Variants in ERBB4 observed in about 807,000 individuals in gnomAD.
The protein encoded by ERBB4 is receptor tyrosine-protein kinase erbB-4.
A neutral mutation model predicts 158.0 loss-of-function variants in ERBB4; 42 were observed. The observed-to-expected ratio is 0.27, with a 90% CI of 0.21 to 0.34. The LOEUF (loss-of-function observed/expected upper bound fraction) is 0.34. Ranked by LOEUF, ERBB4 falls within the 10% of genes least tolerant of loss-of-function variation. ERBB4 has a pLI of 1.00. For synonymous variants in ERBB4, 583 were observed against 558.7 expected, an observed-to-expected ratio of 1.04 and a Z score of -0.61; for missense variants, 1,333 against 1,624.1, an observed-to-expected ratio of 0.82 and a Z score of 3.08.
At chr2:212,226,118 G>T (rs1208504487) in intron 1 of ERBB4, among the ~76,000 whole-genome samples, 3 of 152,146 alleles carry the variant, frequency 2.0e-5, no homozygotes, top group Admixed American at 2.0e-4. Flanking sequence ...AAGCAGTCAT[G>T]TTGTCAACTG....
intron 1 of ERBB4, among the ~76,000 whole-genome samples, chr2:212,352,020 G>A (rs1229087624): frequency 6.6e-6 from 1 of 152,150 alleles, no homozygotes; most frequent in South Asian, 2.1e-4. Flanking sequence ...TTTGTGGCAA[G>A]ATGAATGGAG....
At chr2:212,244,296 G>C (rs924445536) in intron 1 of ERBB4, among the ~76,000 whole-genome samples, 15 of 152,134 alleles carry the variant, frequency 9.9e-5, no homozygotes, top group Admixed American at 9.2e-4. Flanking sequence ...GACTTCCAAA[G>C]GCAACACGGA....
intron 1 of ERBB4, among the ~76,000 whole-genome samples, chr2:212,186,270 A>G (rs140366096): frequency 5.9e-5 from 9 of 152,248 alleles, no homozygotes; most frequent in African/African-American, 2.2e-4. Flanking sequence ...TTTGTTAAGC[A>G]ATCTCCGTTC....
At chr2:211,508,886 T>A (rs983174264) in intron 20 of ERBB4, among the ~76,000 whole-genome samples, 1 of 151,720 alleles carries the variant, frequency 6.6e-6, no homozygotes, top group African/African-American at 2.4e-5. Flanking sequence ...GCTGAGATCG[T>A]GCCACTGCAC....
chr2:211,960,933 A>T (rs1038188123), intron 2 of ERBB4, among the ~76,000 whole-genome samples: 12 of 152,160 alleles, frequency 7.9e-5, no homozygotes, highest in African/African-American at 2.7e-4. Context: ...ATTTTGATTC[A>T]TTAATTGTAA....
At chr2:212,324,234 T>C (rs374521675) in intron 1 of ERBB4, among the ~76,000 whole-genome samples, 36 of 150,634 alleles carry the variant, frequency 2.4e-4, no homozygotes, top group Middle Eastern at 6.8e-3. Flanking sequence ...TCTAGAAAAG[T>C]AACCCGTATT....
chr2:211,882,201 A>C (rs912307759), intron 3 of ERBB4, among the ~76,000 whole-genome samples: 1 of 152,112 alleles, frequency 6.6e-6, no homozygotes, highest in Admixed American at 6.5e-5. Flanking sequence ...ATCTTAAAAA[A>C]AATAATAAAA....
chr2:211,637,317 T>G (rs2070398037), intron 16 of ERBB4, among the ~76,000 whole-genome samples: 1 of 151,984 alleles, frequency 6.6e-6, no homozygotes, highest in Non-Finnish European at 1.5e-5. Flanking sequence ...AATTACCAAC[T>G]GAGGCAAGGA....
intron 1 of ERBB4, among the ~76,000 whole-genome samples, chr2:212,532,245 A>G (rs1030054938): frequency 6.6e-6 from 1 of 152,224 alleles, no homozygotes; most frequent in Non-Finnish European, 1.5e-5. Context: ...ACTGGATTAC[A>G]TCAGTGGTTT....
chr2:212,175,470 C>T (rs746577649), intron 1 of ERBB4, among the ~76,000 whole-genome samples: 1 of 151,858 alleles, frequency 6.6e-6, no homozygotes, highest in Non-Finnish European at 1.5e-5. Flanking sequence ...TTACCATGTA[C>T]TAGATTTTCT....
At chr2:211,990,132 C>T (rs892034731) in intron 2 of ERBB4, among the ~76,000 whole-genome samples, 4 of 151,860 alleles carry the variant, frequency 2.6e-5, no homozygotes, top group Non-Finnish European at 5.9e-5. Flanking sequence ...TTTATCAGAT[C>T]ATTTCCTATC....
At chr2:211,833,565 C>T (rs2077271790) in intron 3 of ERBB4, among the ~76,000 whole-genome samples, 3 of 151,974 alleles carry the variant, frequency 2.0e-5, no homozygotes, top group Admixed American at 2.0e-4. Context: ...ATATGATCAT[C>T]TTCCCTGAGG....
intron 3 of ERBB4, among the ~76,000 whole-genome samples, chr2:211,815,050 G>A (rs1250636515): frequency 6.6e-6 from 1 of 152,064 alleles, no homozygotes; most frequent in African/African-American, 2.4e-5. Flanking sequence ...CTCTCAAAAG[G>A]CTTCTCGCAT....
intron 1 of ERBB4, among the ~76,000 whole-genome samples, chr2:212,308,610 C>T (rs897907923): frequency 1.3e-5 from 2 of 149,694 alleles, no homozygotes; most frequent in Non-Finnish European, 3.0e-5. Flanking sequence ...AAATATCTTG[C>T]CCTCAACATC....
intron 1 of ERBB4, among the ~76,000 whole-genome samples, chr2:212,489,637 T>C (rs1690165241): frequency 6.6e-6 from 1 of 151,840 alleles, no homozygotes; most frequent in Non-Finnish European, 1.5e-5. Flanking sequence ...ACGTATGGTA[T>C]ATTTAAATAG....
chr2:211,732,112 G>A (rs1197296867), intron 5 of ERBB4, among the ~76,000 whole-genome samples: 2 of 151,954 alleles, frequency 1.3e-5, no homozygotes, highest in Non-Finnish European at 2.9e-5. Flanking sequence ...TCTAATGAAA[G>A]GTTCCCATAG....
Position 212,234,163 on chromosome 2 carries a change from T to A in ERBB4, c.83-109260A>T, listed in dbSNP as rs143344831. ...TCAACCTCTGACAGGCCCTGTTGTG[T>A]GATGTTTCCCTCCCTGTGTCCATGT... On this transcript the variant is annotated intron_variant, in intron 1 of 27. Coordinates refer to ENST00000342788, the MANE Select transcript of ERBB4 (RefSeq NM_005235.3). Among the ~76,000 whole-genome samples, 658 of 152,156 alleles carry A rather than the reference T, an allele frequency of 4.3e-3. 2 individuals carry two copies. Among genetic ancestry groups the A allele is most frequent in the South Asian group, 0.03 (143 of 4,808 alleles).
At chr2:212,394,434 G>C (rs546159560) in intron 1 of ERBB4, among the ~76,000 whole-genome samples, 87 of 151,956 alleles carry the variant, frequency 5.7e-4, no homozygotes, top group Admixed American at 6.6e-4. Flanking sequence ...GAAAATTCAA[G>C]TAAATAAGGC....
At chr2:212,192,056 T>TTA (rs1244897304) in intron 1 of ERBB4, among the ~76,000 whole-genome samples, 1,114 of 78,198 alleles carry the variant, frequency 0.014, 20 homozygotes, top group African/African-American at 0.04. Context: ...ATGTTATATG[T>TTA]TATATATGTT....
Sources: allele counts gnomAD v4.1 joint callset (sites outside exome capture counted in the v4.1 genomes callset), GRCh38; gene constraint gnomAD v4.1.1; transcripts MANE v1.5; gene names NCBI Gene and HGNC (gene_info 2026-07-23, HGNC 2026-07-21).